Variants in CERS6 observed in about 807,000 individuals in gnomAD.
CERS6 encodes LAG1 homolog, ceramide synthase 6.
CERS6 carries 26 observed loss-of-function variants against 56.8 expected under a neutral mutation model. The ratio of observed to expected loss-of-function variants is 0.46; its 90% CI spans 0.34 to 0.63. CERS6 has a LOEUF of 0.63. Ranked by LOEUF, CERS6 falls within the 30% of genes least tolerant of loss-of-function variation. The pLI, the probability that CERS6 is intolerant of heterozygous loss-of-function variation, is 0.01. For synonymous variants in CERS6, 164 were observed against 173.3 expected (o/e 0.95, Z 0.42); for missense variants, 415 against 467.5 (o/e 0.89, Z 1.04).
At chr2:168,482,663 G>GTTCCATTATATAAT (rs1261587070) in intron 1 of CERS6, among the ~76,000 whole-genome samples, 4 of 152,208 alleles carry the variant, frequency 2.6e-5, no homozygotes, top group Non-Finnish European at 4.4e-5. Flanking sequence ...TATACAACTG[G>GTTCCATTATATAAT]GGGACTCACA....
chr2:168,513,402 G>T (rs1206204423), intron 1 of CERS6, among the ~76,000 whole-genome samples: 1 of 152,048 alleles, frequency 6.6e-6, no homozygotes, highest in Non-Finnish European at 1.5e-5. Flanking sequence ...ATTACATTTA[G>T]TCACATCATC....
intron 1 of CERS6, among the ~76,000 whole-genome samples, chr2:168,510,119 G>A (rs931379063): frequency 2.0e-5 from 3 of 150,416 alleles, no homozygotes; most frequent in Non-Finnish European, 4.4e-5. Context: ...CAAGTTATCT[G>A]ATACATAGGA....
At chr2:168,754,314 C>T (rs1178611790) in intron 8 of CERS6, among the ~76,000 whole-genome samples, 1 of 152,168 alleles carries the variant, frequency 6.6e-6, no homozygotes, top group African/African-American at 2.4e-5. Flanking sequence ...GGTCAAAGGA[C>T]ATAATGCAAG....
chr2:168,624,531 T>C (rs1460856107), intron 3 of CERS6, among the ~76,000 whole-genome samples: 1 of 152,082 alleles, frequency 6.6e-6, no homozygotes, highest in Non-Finnish European at 1.5e-5. Flanking sequence ...TATGTAAGAC[T>C]CTTGTGATGG....
intron 4 of CERS6, among the ~76,000 whole-genome samples, chr2:168,667,862 A>G (rs61387565): frequency 0.047 from 7,210 of 152,258 alleles, 428 homozygotes; most frequent in African/African-American, 0.14. Context: ...AAATGGATAC[A>G]TATTGTGAAA....
chr2:168,629,000 A>G (rs186856935), intron 3 of CERS6, among the ~76,000 whole-genome samples: 32 of 152,250 alleles, frequency 2.1e-4, no homozygotes, highest in Non-Finnish European at 3.7e-4. Flanking sequence ...AAACTCCACA[A>G]CTTAAAGAAG....
rs147133718 is a variant in CERS6, at chr2:168,739,123, G to A, written c.845+21145G>A. Among the ~76,000 whole-genome samples, 717 of 132,016 alleles carry A rather than the reference G, an allele frequency of 5.4e-3. 1 individual carries two copies. Among genetic ancestry groups the A allele is most frequent in the Middle Eastern group, 0.027 (5 of 188 alleles). The allele number at this position is 132,016 out of a possible 152,430, so 86.6% of individuals were successfully genotyped here. A position where few individuals can be genotyped will look rare whatever the true frequency, so the allele number is the denominator to read the frequency against. On this transcript the variant is annotated intron_variant, in intron 8 of 9. Transcript: ENST00000305747. ...GGGGTTTCACCATGTTTCCCAGGCT[G>A]GTCTCAAATTCCTGAGCTCGGGTAA...
intron 6 of CERS6, among the ~76,000 whole-genome samples, chr2:168,697,871 C>A (rs1686700231): frequency 6.6e-6 from 1 of 152,166 alleles, no homozygotes; most frequent in Non-Finnish European, 1.5e-5. Flanking sequence ...CATTGCTATA[C>A]CAAAAGTTAC....
intron 1 of CERS6, among the ~76,000 whole-genome samples, chr2:168,528,082 A>G (rs1695101794): frequency 6.6e-6 from 1 of 151,944 alleles, no homozygotes; most frequent in South Asian, 2.1e-4. Flanking sequence ...TCATGACCTA[A>G]ACACCTCCCA....
intron 4 of CERS6, among the ~76,000 whole-genome samples, chr2:168,673,637 A>G (rs1013515185): frequency 3.9e-5 from 6 of 152,174 alleles, no homozygotes; most frequent in Non-Finnish European, 2.9e-5. Context: ...CAGCTGGCTA[A>G]TGGCAGACTA....
At position 168,570,207 on chromosome 2, in the gene CERS6, A is replaced by C. The variant is rs191581703; in HGVS notation, c.407+8885A>C. On this transcript the variant is annotated intron_variant, in intron 3 of 9. Transcript: ENST00000305747. ...AAGGAGGCGGAATCCATGTGGATTC[A>C]CAGGACTATCAACTTGGGCATTACT... is the stretch of plus-strand genomic sequence containing the variant. 3.9e-5 allele frequency among the ~76,000 whole-genome samples: 6 copies of C among 152,342 alleles called. No individual in the cohort carries two copies. The East Asian group carries it at 9.6e-4, about 24-fold the overall frequency.
intron 1 of CERS6, among the ~76,000 whole-genome samples, chr2:168,482,189 A>T (rs1377432381): frequency 6.6e-6 from 1 of 152,240 alleles, no homozygotes; most frequent in South Asian, 2.1e-4. Context: ...AGTGGACCTT[A>T]GAAACTAAAA....
chr2:168,479,369 T>TGA (rs1419242450), intron 1 of CERS6, among the ~76,000 whole-genome samples: 1 of 152,246 alleles, frequency 6.6e-6, no homozygotes, highest in Admixed American at 6.5e-5. Context: ...AGCAAGTAGA[T>TGA]ATGCATGTGT....
intron 8 of CERS6, among the ~76,000 whole-genome samples, chr2:168,760,904 C>G (rs943307734): frequency 6.6e-6 from 1 of 152,094 alleles, no homozygotes; most frequent in Non-Finnish European, 1.5e-5. Flanking sequence ...TACAGGCGCC[C>G]GCCACCACGC....
At chr2:168,486,586 C>T (rs908110515) in intron 1 of CERS6, among the ~76,000 whole-genome samples, 1 of 147,154 alleles carries the variant, frequency 6.8e-6, no homozygotes, top group Non-Finnish European at 1.5e-5. Context: ...AAAAGACAAT[C>T]GTTTTTCCAC....
chr2:168,528,139 A>G (rs1695102644), intron 1 of CERS6, among the ~76,000 whole-genome samples: 1 of 152,154 alleles, frequency 6.6e-6, no homozygotes, highest in Admixed American at 6.5e-5. Flanking sequence ...TGTGTTTTCA[A>G]TATGTTAATT....
intron 1 of CERS6, among the ~76,000 whole-genome samples, chr2:168,506,399 C>T (rs1409533059): frequency 6.6e-6 from 1 of 152,124 alleles, no homozygotes; most frequent in Non-Finnish European, 1.5e-5. Context: ...TTAAGAGCCT[C>T]TTCTTCTGTA....
At chr2:168,652,619 T>TATA (rs146289595) in intron 4 of CERS6, among the ~76,000 whole-genome samples, 2 of 151,834 alleles carry the variant, frequency 1.3e-5, no homozygotes, top group African/African-American at 4.9e-5. Flanking sequence ...TGTTTTTTTT[T>TATA]TAACCTTTCC....
intron 8 of CERS6, among the ~76,000 whole-genome samples, chr2:168,723,610 G>T (rs1008192917): frequency 3.3e-5 from 5 of 152,086 alleles, no homozygotes; most frequent in Admixed American, 3.3e-4. Flanking sequence ...TCTACCAGTT[G>T]TCTTAATAAT....
Sources: allele counts gnomAD v4.1 joint callset (sites outside exome capture counted in the v4.1 genomes callset), GRCh38; gene constraint gnomAD v4.1.1; transcripts MANE v1.5; gene names NCBI Gene and HGNC (gene_info 2026-07-23, HGNC 2026-07-21).